Variants in COL4A5 observed in about 807,000 individuals in gnomAD.
COL4A5 encodes collagen type IV alpha 5 chain.
In COL4A5, 26 loss-of-function variants were observed where a neutral mutation model predicts 130.2. That is an observed-to-expected ratio of 0.20 (90% CI 0.15 to 0.28). COL4A5 has a LOEUF of 0.28. Ranked by LOEUF, COL4A5 falls within the 10% of genes least tolerant of loss-of-function variation. The probability of loss-of-function intolerance (pLI) is 1.00; values close to 1 mark genes in which losing one functional copy is unlikely to be tolerated. For missense variants in COL4A5, 1,131 were observed against 1,344.3 expected (o/e 0.84, Z 2.48); for synonymous variants, 496 against 439.6 (o/e 1.13, Z -1.60).
intron 2 of COL4A5, among the ~76,000 whole-genome samples, chrX:108,548,481 A>C (rs1475612774): frequency 9.0e-6 from 1 of 111,230 alleles, no homozygotes; most frequent in Non-Finnish European, 1.9e-5. Context: ...GACAGTGTCA[A>C]ATGGTCTAAT....
intron 47 of COL4A5, among the ~76,000 whole-genome samples, chrX:108,683,330 C>G (rs1221267416): frequency 9.0e-6 from 1 of 111,492 alleles, no homozygotes; most frequent in Non-Finnish European, 1.9e-5. Context: ...TAGCGTGATG[C>G]CTCCAGCTTT....
intron 10 of COL4A5, 42 bp from the exon 11 acceptor site, chrX:108,577,910 T>G (rs3736718): frequency 9.3e-7 from 1 of 1,077,766 alleles, no homozygotes; most frequent in Non-Finnish European, 1.3e-6. Context: ...AATTAACTTA[T>G]TAATATAACA....
At chrX:108,551,877 T>TA (rs1469230373) in intron 2 of COL4A5, among the ~76,000 whole-genome samples, 6 of 111,822 alleles carry the variant, frequency 5.4e-5, no homozygotes, top group Non-Finnish European at 3.8e-5. Flanking sequence ...TATGCAGCCA[T>TA]AAAAAAGAAT....
intron 47 of COL4A5, 43 bp downstream of exon 47, chrX:108,681,931 A>G (rs772773146): frequency 1.5e-5 from 17 of 1,125,243 alleles, no homozygotes; most frequent in Non-Finnish European, 1.8e-5. Flanking sequence ...TATACTTTTA[A>G]TTTCTGGGAT....
At chrX:108,560,553 A>G (rs1011600246) in intron 3 of COL4A5, among the ~76,000 whole-genome samples, 10 of 113,036 alleles carry the variant, frequency 8.8e-5, no homozygotes, top group African/African-American at 3.2e-4. Flanking sequence ...GAGTATTCCC[A>G]TGAGTAGACA....
Position 108,580,964 on chromosome X carries a change from A to G in COL4A5, c.892-19A>G. ...AACAAATGTATGTTGTTGCCCTATC[A>G]TTTCTTTGTATCCTATAGGGTAAAC... On this transcript the variant is annotated intron_variant, in intron 15 of 52. Coordinates refer to ENST00000328300, the MANE Select transcript of COL4A5 (RefSeq NM_033380.3). The G allele has an allele frequency of 8.3e-7, 1 of 1,197,666 alleles. No homozygotes were observed. Among genetic ancestry groups the G allele is most frequent in the South Asian group, 1.8e-5 (1 of 56,619 alleles).
At chrX:108,470,831 A>T (rs759497588) in intron 1 of COL4A5, among the ~76,000 whole-genome samples, 8 of 111,755 alleles carry the variant, frequency 7.2e-5, no homozygotes, top group Non-Finnish European at 1.5e-4. Flanking sequence ...ATATGGTGAG[A>T]GGTAGGGATT....
chrX:108,675,170 A>G (rs1408477845), intron 43 of COL4A5, among the ~76,000 whole-genome samples: 1 of 111,442 alleles, frequency 9.0e-6, no homozygotes, highest in East Asian at 2.8e-4. Flanking sequence ...GCAGAGATAT[A>G]CTATTGAATA....
intron 2 of COL4A5, among the ~76,000 whole-genome samples, chrX:108,543,887 A>C (rs1044178121): frequency 3.6e-5 from 4 of 111,442 alleles, no homozygotes; most frequent in Admixed American, 1.9e-4. Context: ...ATGGGAGTTC[A>C]CTCATGATTT....
intron 42 of COL4A5, among the ~76,000 whole-genome samples, chrX:108,671,511 C>A (rs1444627549): frequency 4.5e-5 from 5 of 111,519 alleles, no homozygotes; most frequent in African/African-American, 6.5e-5. Flanking sequence ...AGAAATTATC[C>A]ACAAGACAGA....
chrX:108,450,347 G>GC (rs1290783181), intron 1 of COL4A5, among the ~76,000 whole-genome samples: 3 of 111,516 alleles, frequency 2.7e-5, no homozygotes, highest in African/African-American at 6.5e-5. Context: ...TCCTGCTTCA[G>GC]CCCCCCAAAG....
At chrX:108,528,424 C>A (rs1475799169) in intron 1 of COL4A5, among the ~76,000 whole-genome samples, 1 of 112,325 alleles carries the variant, frequency 8.9e-6, no homozygotes, top group African/African-American at 3.2e-5. Flanking sequence ...ATTGTTACAC[C>A]AGATGCACAG....
chrX:108,592,626 G>A lies in COL4A5; in HGVS notation c.1423+982G>A, dbSNP rs373077101. ...CTCCACAAATGCTGGTCAGTCACCAGCAGTCTATATCCTACTAATCCAAAT... is the reference window on the plus strand; with the variant it reads ...CTCCACAAATGCTGGTCAGTCACCAACAGTCTATATCCTACTAATCCAAAT... On this transcript the variant is annotated intron_variant, in intron 21 of 52. Coordinates refer to ENST00000328300, the MANE Select transcript of COL4A5 (RefSeq NM_033380.3). Among the ~76,000 whole-genome samples, 24 of 110,292 alleles carry A rather than the reference G, an allele frequency of 2.2e-4. No homozygotes were observed. The South Asian group carries it at 9.3e-3, about 43-fold the overall frequency.
At chrX:108,466,093 C>A (rs754456349) in intron 1 of COL4A5, among the ~76,000 whole-genome samples, 3 of 111,266 alleles carry the variant, frequency 2.7e-5, no homozygotes, top group Non-Finnish European at 5.6e-5. Context: ...CTTTTTATGG[C>A]TGAATAATTT....
At chrX:108,647,473 G>T (rs1266867792) in intron 36 of COL4A5, among the ~76,000 whole-genome samples, 8 of 111,605 alleles carry the variant, frequency 7.2e-5, no homozygotes, top group Non-Finnish European at 1.9e-5. Flanking sequence ...AGCTTAAGGA[G>T]ATTTGGGGCT....
chrX:108,532,313 A>G (rs757956052), intron 1 of COL4A5, among the ~76,000 whole-genome samples: 1 of 112,067 alleles, frequency 8.9e-6, no homozygotes, highest in East Asian at 2.8e-4. Context: ...ACATCAACAG[A>G]TTGAAGGACA....
chrX:108,689,593 T>G (rs924785241), intron 49 of COL4A5: 1 of 754,316 alleles, frequency 1.3e-6, no homozygotes, highest in Non-Finnish European at 1.6e-6. Context: ...GGTCCTGGAT[T>G]GCAGAGGCTC....
chrX:108,440,050 C>T lies in COL4A5; in HGVS notation c.-76C>T, dbSNP rs1416893804. 1.2e-5 allele frequency: 10 copies of T among 810,768 alleles called. No individual in the cohort carries two copies. Among genetic ancestry groups the T allele is most frequent in the Non-Finnish European group, 1.8e-5 (10 of 543,952 alleles). 66.8% of individuals were successfully genotyped at this position (810,768 alleles called of 1,213,427 possible). ...CTCTAGCTCTCTCCATATAAACCCT[C>T]AAGATTATGTCAATTGGTTAGAGCC... On this transcript the variant is annotated 5_prime_UTR_variant, in exon 1 of 53. Transcript: ENST00000328300.
At chrX:108,562,127 G>A (rs2065907137) in intron 3 of COL4A5, among the ~76,000 whole-genome samples, 1 of 111,643 alleles carries the variant, frequency 9.0e-6, no homozygotes, top group African/African-American at 3.3e-5. Context: ...GCATACTATT[G>A]GCATGGAACA....
Sources: allele counts gnomAD v4.1 joint callset (sites outside exome capture counted in the v4.1 genomes callset), GRCh38; gene constraint gnomAD v4.1.1; transcripts MANE v1.5; gene names NCBI Gene and HGNC (gene_info 2026-07-23, HGNC 2026-07-21).